The following SOX5 variants were observed in gnomAD, a reference collection of about 807,000 sequenced individuals.
SOX5 encodes SRY-box transcription factor 5.
A neutral mutation model predicts 92.0 loss-of-function variants in SOX5; 9 were observed. That is an observed-to-expected ratio of 0.10 (90% confidence interval 0.06 to 0.17). SOX5 has a LOEUF of 0.17. Among genes scored for constraint, SOX5 ranks in the 10% least tolerant of loss-of-function variants. The probability of loss-of-function intolerance (pLI) is 1.00; values close to 1 mark genes in which losing one functional copy is unlikely to be tolerated. For synonymous variants in SOX5, 344 were observed against 336.3 expected, an observed-to-expected ratio of 1.02 and a Z score of -0.25; for missense variants, 642 against 944.5, an observed-to-expected ratio of 0.68 and a Z score of 4.20.
intron 3 of SOX5, among the ~76,000 whole-genome samples, chr12:24,232,257 A>G (rs1469178480): frequency 2.0e-5 from 3 of 152,214 alleles, no homozygotes; most frequent in African/African-American, 7.2e-5. Context: ...AATATTCTCT[A>G]AAATTCTTAA....
chr12:24,353,823 TAG>T (rs1293446528), intron 2 of SOX5, among the ~76,000 whole-genome samples: 1 of 151,802 alleles, frequency 6.6e-6, no homozygotes, highest in East Asian at 1.9e-4. Flanking sequence ...GTATTTTTAG[TAG>T]AGACAGGGTT....
At chr12:23,701,746 C>A (rs1192511242) in intron 6 of SOX5, among the ~76,000 whole-genome samples, 1 of 152,020 alleles carries the variant, frequency 6.6e-6, no homozygotes, top group East Asian at 1.9e-4. Flanking sequence ...AGACCCCTCC[C>A]TCAACATCCT....
intron 1 of SOX5, among the ~76,000 whole-genome samples, chr12:24,447,979 G>A (rs1044026851): frequency 2.0e-5 from 3 of 152,082 alleles, no homozygotes; most frequent in African/African-American, 4.8e-5. Flanking sequence ...TCATGAGTTC[G>A]AGACCAGCCT....
At chr12:24,442,654 G>A (rs1004699259) in intron 1 of SOX5, among the ~76,000 whole-genome samples, 86 of 152,266 alleles carry the variant, frequency 5.6e-4, no homozygotes, top group African/African-American at 2.0e-3. Context: ...ACTGAGCAGC[G>A]TGATGAAGGA....
At chr12:23,555,481 T>TG (rs1944992851) in intron 11 of SOX5, among the ~76,000 whole-genome samples, 1 of 150,772 alleles carries the variant, frequency 6.6e-6, no homozygotes, top group South Asian at 2.1e-4. Flanking sequence ...AAAAGTTTAC[T>TG]GGAAAAAAAA....
intron 8 of SOX5, among the ~76,000 whole-genome samples, chr12:23,612,903 G>T (rs1400462434): frequency 1.3e-5 from 2 of 152,096 alleles, no homozygotes; most frequent in Non-Finnish European, 2.9e-5. Context: ...ACTTAAATGT[G>T]GAGTTTAAAG....
At chr12:24,026,556 C>T (rs985921359) in intron 4 of SOX5, among the ~76,000 whole-genome samples, 1 of 148,832 alleles carries the variant, frequency 6.7e-6, no homozygotes, top group African/African-American at 2.5e-5. Context: ...TTGAGACCAG[C>T]CTGGGCGACA....
chr12:24,391,208 G>A (rs11047411), intron 1 of SOX5, among the ~76,000 whole-genome samples: 11,280 of 152,088 alleles, frequency 0.074, 466 homozygotes, highest in Middle Eastern at 0.099. Context: ...TTTGTTGGCT[G>A]CTTGTATGTC....
intron 3 of SOX5, among the ~76,000 whole-genome samples, chr12:24,232,495 C>G (rs953601968): frequency 2.0e-5 from 3 of 152,190 alleles, no homozygotes; most frequent in Non-Finnish European, 4.4e-5. Flanking sequence ...GAAAGTAAAT[C>G]TATTCCTGAG....
chr12:23,662,717 C>T (rs139296072), intron 7 of SOX5, among the ~76,000 whole-genome samples: 74 of 152,178 alleles, frequency 4.9e-4, no homozygotes, highest in African/African-American at 1.5e-3. Context: ...CTGTTGAGTA[C>T]ATTTAAAGTC....
intron 3 of SOX5, among the ~76,000 whole-genome samples, chr12:24,224,648 G>A (rs990824292): frequency 1.3e-5 from 2 of 151,920 alleles, no homozygotes; most frequent in Non-Finnish European, 2.9e-5. Flanking sequence ...ATTATCAGGA[G>A]GGTTGCATAT....
rs1045868348 is a variant in SOX5, at chr12:24,435,962, G to A, written c.-250-67323C>T. Among the ~76,000 whole-genome samples the A allele has an allele frequency of 3.3e-5, 5 of 152,208 alleles. No individual in the cohort carries two copies. In the East Asian group the frequency reaches 7.7e-4, roughly 24 times the overall value. On this transcript the variant is annotated intron_variant, in intron 1 of 4. Coordinates refer to the SOX5 transcript ENST00000446891. ...ATCAGGGATCTTTGATGTTATTTTT[G>A]CAAGTGTTTCAGGATGCAACAAACC... is the stretch of plus-strand genomic sequence containing the variant.
At chr12:24,029,867 A>G (rs1304469535) in intron 4 of SOX5, among the ~76,000 whole-genome samples, 3 of 152,028 alleles carry the variant, frequency 2.0e-5, no homozygotes, top group African/African-American at 4.8e-5. Flanking sequence ...ATCTTTGGAT[A>G]GTTATGTGTA....
intron 3 of SOX5, among the ~76,000 whole-genome samples, chr12:23,789,353 G>GT (rs1481605636): frequency 3.9e-5 from 6 of 152,026 alleles, no homozygotes; most frequent in South Asian, 2.1e-4. Context: ...AGGAACATGC[G>GT]TTTTTTTCCC....
intron 2 of SOX5, among the ~76,000 whole-genome samples, chr12:24,317,308 T>G (rs1487776098): frequency 6.6e-6 from 1 of 152,222 alleles, no homozygotes; most frequent in African/African-American, 2.4e-5. Flanking sequence ...TGCAATTTTT[T>G]GAACATAACA....
intron 10 of SOX5, 126 bp downstream of exon 10, chr12:23,575,535 C>A (rs1434955200): frequency 2.4e-6 from 2 of 832,020 alleles, no homozygotes; most frequent in Non-Finnish European, 3.8e-6. Flanking sequence ...TAGGTGGTTC[C>A]TCAAATTGAA....
chr12:24,453,348 T>C (rs1223525022), intron 1 of SOX5, among the ~76,000 whole-genome samples: 2 of 152,200 alleles, frequency 1.3e-5, no homozygotes. Flanking sequence ...GCTGAAGTGG[T>C]TACACTCTAC....
chr12:23,614,010 G>A (rs1311941599), intron 8 of SOX5, among the ~76,000 whole-genome samples: 3 of 152,084 alleles, frequency 2.0e-5, no homozygotes, highest in East Asian at 1.9e-4. Flanking sequence ...TTGGGCCTGC[G>A]CCTGTGTCCC....
intron 4 of SOX5, among the ~76,000 whole-genome samples, chr12:24,163,505 CTT>C (rs34073608): frequency 9.9e-5 from 14 of 141,742 alleles, no homozygotes; most frequent in Admixed American, 1.4e-4. Flanking sequence ...TTTTTAATTC[CTT>C]TTTTTTTTTT....
Sources: allele counts gnomAD v4.1 joint callset (sites outside exome capture counted in the v4.1 genomes callset), GRCh38; gene constraint gnomAD v4.1.1; transcripts MANE v1.5; gene names NCBI Gene and HGNC (gene_info 2026-07-23, HGNC 2026-07-21).